The following MYOF variants were observed in gnomAD, a reference collection of about 807,000 sequenced individuals.
The protein encoded by MYOF is fer-1-like 3, myoferlin.
A neutral mutation model predicts 284.2 loss-of-function variants in MYOF; 244 were observed. The observed-to-expected ratio is 0.86, with a 90% CI of 0.77 to 0.95. The LOEUF (loss-of-function observed/expected upper bound fraction) is 0.95. MYOF is among the 40% of genes least tolerant of loss of function. The pLI is 0.00. For synonymous variants in MYOF, 904 were observed against 919.7 expected (o/e 0.98, Z 0.31); for missense variants, 2,496 against 2,560.6 (o/e 0.97, Z 0.54).
At chr10:93,362,946 T>A (rs787637) in intron 27 of MYOF, among the ~76,000 whole-genome samples, 45,830 of 152,078 alleles carry the variant, frequency 0.3, 7,924 homozygotes, top group Non-Finnish European at 0.4. Context: ...TCCCTACAGA[T>A]AAACGTTCAT....
chr10:93,351,083 G>T (rs1036479400), intron 35 of MYOF, 114 bp downstream of exon 35: 1 of 1,145,020 alleles, frequency 8.7e-7, no homozygotes, highest in African/African-American at 1.5e-5. Flanking sequence ...AGTTGTAAAG[G>T]AAGTTGGAGA....
At chr10:93,453,505 G>C (rs1336787105) in intron 2 of MYOF, among the ~76,000 whole-genome samples, 1 of 152,074 alleles carries the variant, frequency 6.6e-6, no homozygotes, top group Admixed American at 6.6e-5. Flanking sequence ...CACCATGTTG[G>C]CCAGGCTGGT....
At chr10:93,317,414 A>G (rs1002358564) in intron 49 of MYOF, among the ~76,000 whole-genome samples, 1 of 151,868 alleles carries the variant, frequency 6.6e-6, no homozygotes, top group Non-Finnish European at 1.5e-5. Context: ...GAGGGGGTAG[A>G]TTACTTAAGG....
chr10:93,363,997 G>GCCC lies in MYOF; in HGVS notation c.2829_2831dup (p.Gly944dup). On this transcript the variant is annotated inframe_insertion, in exon 27 of 54. Transcript: ENST00000359263. ...AGGTGTCCTCGGCCGGCTTCCAGTCGCCCCCGGGGTAGCGGCTCTCGTTCT... is the reference window on the plus strand; with the variant it reads ...AGGTGTCCTCGGCCGGCTTCCAGTCGCCCCCCCCGGGGTAGCGGCTCTCGTTCT... The GCCC allele has an allele frequency of 6.2e-7, 1 of 1,614,072 alleles. No homozygotes were observed.
intron 7 of MYOF, 62 bp downstream of exon 7, chr10:93,408,725 C>T (rs896114561): frequency 6.9e-6 from 11 of 1,604,784 alleles, no homozygotes; most frequent in African/African-American, 1.3e-5. Context: ...AGTGAAGCTG[C>T]TCCCGTGTTT....
At chr10:93,329,034 C>T in intron 44 of MYOF, 123 bp from the exon 45 acceptor site, 1 of 950,704 alleles carries the variant, frequency 1.1e-6, no homozygotes, top group Non-Finnish European at 1.5e-6. Context: ...ATCTGCGCTA[C>T]ACTCTGACTT....
chr10:93,358,338 T>A (rs1369048389), intron 29 of MYOF, among the ~76,000 whole-genome samples: 1 of 152,214 alleles, frequency 6.6e-6, no homozygotes, highest in African/African-American at 2.4e-5. Flanking sequence ...GGAAAGCTTT[T>A]ACACTGTTGG....
At chr10:93,308,919 C>A (rs778773883) in intron 53 of MYOF, among the ~76,000 whole-genome samples, 1 of 152,120 alleles carries the variant, frequency 6.6e-6, no homozygotes, top group Admixed American at 6.5e-5. Context: ...GCTATGTTGG[C>A]CAGGCTAGTC....
At chr10:93,386,811 G>T (rs1399387568) in intron 19 of MYOF, among the ~76,000 whole-genome samples, 1 of 152,340 alleles carries the variant, frequency 6.6e-6, no homozygotes, top group East Asian at 1.9e-4. Flanking sequence ...ATCCTGCAAA[G>T]GGGGCAGATG....
chr10:93,439,970 C>A (rs1382581613), intron 3 of MYOF, among the ~76,000 whole-genome samples: 1 of 152,186 alleles, frequency 6.6e-6, no homozygotes, highest in Non-Finnish European at 1.5e-5. Context: ...CCTTCCCCAC[C>A]CTTAATACTA....
At chr10:93,421,947 T>A (rs1564704889) in intron 5 of MYOF, among the ~76,000 whole-genome samples, 1 of 151,986 alleles carries the variant, frequency 6.6e-6, no homozygotes, top group Non-Finnish European at 1.5e-5. Context: ...TTTTTTTTTT[T>A]AAATGCTGAA....
chr10:93,463,840 G>GCAA (rs1255837351), intron 1 of MYOF, among the ~76,000 whole-genome samples: 7 of 137,988 alleles, frequency 5.1e-5, no homozygotes, highest in Non-Finnish European at 9.1e-5. Flanking sequence ...ACTTCATCCT[G>GCAA]GGTGTTAGAG....
chr10:93,427,196 T>TTAAAA (rs1216715458), intron 4 of MYOF, among the ~76,000 whole-genome samples: 2 of 125,342 alleles, frequency 1.6e-5, no homozygotes, highest in East Asian at 4.4e-4. Context: ...AGACTCTGTC[T>TTAAAA]TAAAACAAAA....
At chr10:93,481,686 G>A (rs966762278) in intron 1 of MYOF, among the ~76,000 whole-genome samples, 7 of 152,136 alleles carry the variant, frequency 4.6e-5, no homozygotes, top group African/African-American at 1.4e-4. Context: ...TCAAAGCAGC[G>A]TCAGGCTGGT....
chr10:93,471,305 G>GT (rs71031512), intron 1 of MYOF, among the ~76,000 whole-genome samples: 70,990 of 147,640 alleles, frequency 0.48, 17,398 homozygotes, highest in South Asian at 0.57. Flanking sequence ...GGGGGGATGG[G>GT]TTTTTTTTTC....
At chr10:93,479,892 G>A (rs375606910) in intron 1 of MYOF, among the ~76,000 whole-genome samples, 2 of 152,288 alleles carry the variant, frequency 1.3e-5, no homozygotes, top group African/African-American at 4.8e-5. Flanking sequence ...CTTAACTGAA[G>A]TTTTCCACTT....
chr10:93,394,615 C>T (rs1371051453), intron 16 of MYOF, among the ~76,000 whole-genome samples: 2 of 151,220 alleles, frequency 1.3e-5, no homozygotes, highest in Admixed American at 1.3e-4. Context: ...TGCCCACCAC[C>T]ACGCCCGGAG....
chr10:93,315,049 T>C (rs2761287), intron 50 of MYOF, among the ~76,000 whole-genome samples: 78,407 of 151,142 alleles, frequency 0.52, 21,115 homozygotes, highest in East Asian at 0.9. Context: ...AGACTCTGTC[T>C]CAACAAACAA....
chr10:93,465,538 CTTTTTTTT>C (rs71031511), intron 1 of MYOF, among the ~76,000 whole-genome samples: 1 of 112,164 alleles, frequency 8.9e-6, no homozygotes, highest in Non-Finnish European at 1.7e-5. Flanking sequence ...TTTTTCTTTT[CTTTTTTTT>C]TTTTTTTGAG....
Sources: gnomAD v4.1 joint callset for allele counts (sites outside exome capture counted in the v4.1 genomes callset) on GRCh38, gnomAD v4.1.1 for gene constraint, MANE v1.5 for transcripts, NCBI Gene and HGNC (gene_info 2026-07-23, HGNC 2026-07-21) for gene names.